Variants in PALLD observed in about 807,000 individuals in gnomAD.
The protein encoded by PALLD is palladin.
Under a neutral mutation model 123.5 loss-of-function variants are expected in PALLD, and 61 were observed. The observed-to-expected ratio is 0.49, with a 90% CI of 0.40 to 0.61. PALLD has a LOEUF of 0.61. PALLD is among the 20% of genes least tolerant of loss of function. The probability of loss-of-function intolerance (pLI) is 0.00; values close to 1 mark genes in which losing one functional copy is unlikely to be tolerated. For synonymous variants in PALLD, 465 were observed against 496.4 expected, an observed-to-expected ratio of 0.94 and a Z score of 0.84; for missense variants, 1,273 against 1,377.0, an observed-to-expected ratio of 0.92 and a Z score of 1.20.
intron 2 of PALLD, among the ~76,000 whole-genome samples, chr4:168,625,981 C>T (rs1775227778): frequency 6.6e-6 from 1 of 152,104 alleles, no homozygotes; most frequent in Non-Finnish European, 1.5e-5. Context: ...TACTGTTGGG[C>T]TAATAGATAA....
At chr4:168,721,968 AACAAAACTCTTATCCCTTTAATTGT>A (rs1401142408) in intron 10 of PALLD, among the ~76,000 whole-genome samples, 1 of 152,200 alleles carries the variant, frequency 6.6e-6, no homozygotes, top group African/African-American at 2.4e-5. Flanking sequence ...GCCCCCACCA[AACAAAACTCTTATCCCTTTAATTGT>A]ACATCTCAGG....
chr4:168,642,296 A>T (rs1379117958), intron 2 of PALLD, among the ~76,000 whole-genome samples: 1 of 152,182 alleles, frequency 6.6e-6, no homozygotes, highest in African/African-American at 2.4e-5. Flanking sequence ...TTGACATGGG[A>T]CGCAACCGAA....
intron 1 of PALLD, among the ~76,000 whole-genome samples, chr4:168,498,067 T>C (rs28564534): frequency 6.6e-6 from 1 of 152,162 alleles, no homozygotes; most frequent in Non-Finnish European, 1.5e-5. Context: ...TCATGATAAA[T>C]GTGCCTTCCA....
intron 10 of PALLD, among the ~76,000 whole-genome samples, chr4:168,801,207 A>AT (rs1019262681): frequency 4.6e-5 from 7 of 152,244 alleles, no homozygotes; most frequent in Admixed American, 2.0e-4. Flanking sequence ...CTTCTGTTCT[A>AT]TTTTTTTACC....
intron 2 of PALLD, among the ~76,000 whole-genome samples, chr4:168,550,705 GC>G (rs1179053938): frequency 6.6e-6 from 1 of 152,046 alleles, no homozygotes; most frequent in East Asian, 1.9e-4. Flanking sequence ...TCAAATTTTT[GC>G]TATACAAGCA....
intron 15 of PALLD, among the ~76,000 whole-genome samples, chr4:168,911,927 A>G (rs1248292907): frequency 6.6e-6 from 1 of 152,036 alleles, no homozygotes; most frequent in African/African-American, 2.4e-5. Context: ...TTTCTTTGTG[A>G]TGACCTCTCT....
chr4:168,682,823 G>A (rs552952518), intron 4 of PALLD, among the ~76,000 whole-genome samples, 175 bp from the exon 5 acceptor site: 1 of 152,038 alleles, frequency 6.6e-6, no homozygotes, highest in Admixed American at 6.6e-5. Context: ...TATTCTAGCT[G>A]TAGGTTATGC....
At chr4:168,788,340 T>TTA (rs1737040420) in intron 10 of PALLD, among the ~76,000 whole-genome samples, 1 of 145,352 alleles carries the variant, frequency 6.9e-6, no homozygotes, top group Non-Finnish European at 1.5e-5. Flanking sequence ...CAAGTAGAAA[T>TTA]TATATATATA....
chr4:168,841,939 T>G (rs137994700), intron 10 of PALLD, among the ~76,000 whole-genome samples: 55 of 152,342 alleles, frequency 3.6e-4, no homozygotes, highest in Non-Finnish European at 7.1e-4. Flanking sequence ...TGGTTTATTA[T>G]GTGAAAAATA....
chr4:168,616,728 A>T (rs1206667239), intron 2 of PALLD, among the ~76,000 whole-genome samples: 2 of 152,208 alleles, frequency 1.3e-5, no homozygotes, highest in Non-Finnish European at 2.9e-5. Flanking sequence ...CTAAATCAGC[A>T]TCTCTAACAG....
chr4:168,761,662 T>TTG (rs1732935146), intron 10 of PALLD, among the ~76,000 whole-genome samples: 1 of 131,312 alleles, frequency 7.6e-6, no homozygotes, highest in Non-Finnish European at 1.6e-5. Flanking sequence ...TTTTTTTTTT[T>TTG]TTTTTTTTTT....
chr4:168,512,235 A>G lies in PALLD; in HGVS notation c.731A>G (p.Gln244Arg), dbSNP rs114946738. 2.3e-4 allele frequency: 365 copies of G among 1,613,918 alleles called. 1 individual carries two copies. In the African/African-American group the frequency reaches 4.3e-3, roughly 19 times the overall value. The change falls in exon 2 of 22, where the codon CAG (glutamine) becomes CGG (arginine). Residue 244 changes from glutamine to arginine, a missense_variant. Gln to Arg is a conservative substitution (Grantham distance 43). Transcript: ENST00000505667. Reference protein sequence around the residue: ...VKSPGARHCYQDNQDLAVPHN... With the variant: ...VKSPGARHCYRDNQDLAVPHN... ...TCCCCTGGGGCCAGGCATTGCTACC[A>G]GGACAACCAGGACTTGGCAGTGCCA...
In PALLD at chr4:168,795,393, T is replaced by G. The variant is rs1738344240; in HGVS notation, c.1964+83470T>G. On this transcript the variant is annotated intron_variant, in intron 10 of 21. Transcript: ENST00000505667. ...ATCAAGAATGCATAATAGGTGTTGT[T>G]TGGAAAATTTGTGATTTAAGATAAT... 2.0e-5 allele frequency among the ~76,000 whole-genome samples: 3 copies of G among 152,220 alleles called. 1 individual carries two copies. The South Asian group carries it at 6.2e-4, about 32-fold the overall frequency.
intron 1 of PALLD, 67 bp downstream of exon 1, chr4:168,497,261 A>C (rs904467127): frequency 6.0e-5 from 9 of 149,838 alleles, no homozygotes; most frequent in African/African-American, 2.2e-4. Flanking sequence ...AAAAAAAAAA[A>C]CTAAAAATAC....
intron 10 of PALLD, among the ~76,000 whole-genome samples, chr4:168,781,367 A>G (rs1280635091): frequency 6.6e-6 from 1 of 152,154 alleles, no homozygotes; most frequent in Admixed American, 6.5e-5. Context: ...GTTAATTGCA[A>G]TGGAAAAGGG....
chr4:168,765,691 A>G (rs1162058197), intron 10 of PALLD, among the ~76,000 whole-genome samples: 1 of 152,258 alleles, frequency 6.6e-6, no homozygotes, highest in African/African-American at 2.4e-5. Flanking sequence ...AGTAGCTTTT[A>G]ATTAATGAAT....
At chr4:168,849,884 C>T (rs1407569874) in intron 10 of PALLD, among the ~76,000 whole-genome samples, 1 of 152,178 alleles carries the variant, frequency 6.6e-6, no homozygotes, top group Non-Finnish European at 1.5e-5. Context: ...TCCCCATTCC[C>T]TCTTCTCACC....
At position 168,511,561 on chromosome 4, in the gene PALLD, A is replaced by T. The variant is rs555178952; in HGVS notation, c.57A>T (p.Glu19Asp). ...SFYDSLSDMQ[E>D]ESKNTDFFPG... ...ATGACTCCCTCTCAGACATGCAGGA[A>T]GAAAGCAAGAATACTGACTTCTTCC... The change falls in exon 2 of 22, where the codon GAA becomes GAT. Residue 19 changes from glutamate to aspartate, a missense_variant. This residue lies in a region of PALLD where 944 missense variants were observed against 954.5 expected (regional missense o/e 0.99). Coordinates refer to ENST00000505667, the MANE Select transcript of PALLD (RefSeq NM_001166108.2). 1 of 1,614,156 alleles carries T rather than the reference A, an allele frequency of 6.2e-7. No homozygotes were observed. The highest frequency in any genetic ancestry group is 1.3e-5 in the African/African-American group (1 of 75,054).
At chr4:168,794,535 CA>C (rs1581507964) in intron 10 of PALLD, among the ~76,000 whole-genome samples, 1 of 151,372 alleles carries the variant, frequency 6.6e-6, no homozygotes, top group African/African-American at 2.4e-5. Context: ...CACACACACA[CA>C]CACCCCTCTG....
Sources: allele counts gnomAD v4.1 joint callset (sites outside exome capture counted in the v4.1 genomes callset), GRCh38; gene constraint gnomAD v4.1.1; regional missense constraint gnomAD v4.1.1; transcripts MANE v1.5; gene names NCBI Gene and HGNC (gene_info 2026-07-23, HGNC 2026-07-21).